Variants in KLF12 observed in about 807,000 individuals in gnomAD.
KLF12 encodes Krueppel-like factor 12.
Under a neutral mutation model 37.8 loss-of-function variants are expected in KLF12, and 9 were observed. The ratio of observed to expected loss-of-function variants is 0.24; its 90% CI spans 0.14 to 0.42. The LOEUF is 0.42. Ranked by LOEUF, KLF12 falls within the 10% of genes least tolerant of loss-of-function variation. The pLI is 1.00. For synonymous variants in KLF12, 208 were observed against 202.1 expected (o/e 1.03, Z -0.25); for missense variants, 411 against 516.0 (o/e 0.80, Z 1.97).
Position 73,687,817 on chromosome 13 carries a change from A to C in KLF12, c.*7673T>G, listed in dbSNP as rs1873583763. On this transcript the variant is annotated 3_prime_UTR_variant, in exon 8 of 8. Transcript: ENST00000377669. ...ATTCATTGGTTCTCGCCTTGCACAA[A>C]GGGTGGACTCTGTCTCAAACACTTC... The C allele has an allele frequency of 6.6e-6, 1 of 152,220 alleles. No homozygotes were observed. 9.4% of individuals were successfully genotyped at this position (152,220 alleles called of 1,614,324 possible).
chr13:73,802,141 T>C (rs1342046435), intron 5 of KLF12: 2 of 152,134 alleles, frequency 1.3e-5, no homozygotes, highest in Admixed American at 6.6e-5. Context: ...GAGTATAAAA[T>C]GTCAACCATA....
chr13:74,233,813 A>C, the KLF12 span, among the ~76,000 whole-genome samples: 2 of 152,258 alleles, frequency 1.3e-5, no homozygotes, highest in Non-Finnish European at 2.9e-5. Flanking sequence ...ATTCCAATAA[A>C]TAACATGGTA....
At chr13:74,056,633 A>T (rs1418424158) in intron 1 of KLF12, among the ~76,000 whole-genome samples, 2 of 152,216 alleles carry the variant, frequency 1.3e-5, no homozygotes, top group African/African-American at 4.8e-5. Flanking sequence ...ATCTGTGAAA[A>T]TAAAAATTGT....
chr13:74,182,094 G>T, the KLF12 span, among the ~76,000 whole-genome samples: 6 of 152,178 alleles, frequency 3.9e-5, no homozygotes, highest in African/African-American at 1.4e-4. Flanking sequence ...GTGTGGGAGG[G>T]TATAAATGAA....
At chr13:74,242,595 A>G in the KLF12 span, among the ~76,000 whole-genome samples, 1 of 152,218 alleles carries the variant, frequency 6.6e-6, no homozygotes, top group Non-Finnish European at 1.5e-5. Flanking sequence ...TAGCCAAATG[A>G]TATCAACACA....
chr13:74,118,222 G>A (rs908333855), intron 1 of KLF12, among the ~76,000 whole-genome samples: 9 of 152,128 alleles, frequency 5.9e-5, no homozygotes, highest in Admixed American at 2.0e-4. Flanking sequence ...AAAATGTTGA[G>A]AATTGTTAAG....
At chr13:73,873,618 T>C (rs868326933) in intron 3 of KLF12, among the ~76,000 whole-genome samples, 1 of 152,178 alleles carries the variant, frequency 6.6e-6, no homozygotes, top group African/African-American at 2.4e-5. Context: ...GTGGATTTTT[T>C]CTGAAAACTA....
chr13:74,219,389 A>G, the KLF12 span, among the ~76,000 whole-genome samples: 3 of 152,216 alleles, frequency 2.0e-5, no homozygotes, highest in Admixed American at 2.0e-4. Flanking sequence ...GACCTGTATA[A>G]TCCTCTTAAT....
intron 5 of KLF12, among the ~76,000 whole-genome samples, chr13:73,774,301 C>CT (rs113672381): frequency 8.2e-5 from 11 of 134,604 alleles, no homozygotes; most frequent in Admixed American, 2.2e-4. Flanking sequence ...CACACACACA[C>CT]ATCTATATAT....
chr13:74,181,319 T>A, the KLF12 span, among the ~76,000 whole-genome samples: 4 of 145,944 alleles, frequency 2.7e-5, no homozygotes, highest in Non-Finnish European at 6.0e-5. Context: ...TAAAAATACA[T>A]TTAGCATAAA....
In KLF12 at chr13:73,729,846, ATCC is replaced by A. The variant is rs1202337985; in HGVS notation, c.870-14324_870-14322del. 2.6e-5 allele frequency among the ~76,000 whole-genome samples: 4 copies of A among 152,310 alleles called. No individual in the cohort carries two copies. The East Asian group carries it at 7.7e-4, about 29-fold the overall frequency. On this transcript the variant is annotated intron_variant, in intron 6 of 7. Transcript: ENST00000377669. ...GGGAAGCAAGTGAACACGCAAAGGC[ATCC>A]TTAGCAACTTGATAATCTAGTAAAG...
intron 1 of KLF12, among the ~76,000 whole-genome samples, chr13:74,120,417 T>C (rs1877561030): frequency 6.6e-6 from 1 of 152,120 alleles, no homozygotes; most frequent in African/African-American, 2.4e-5. Flanking sequence ...GAGACAGAGG[T>C]TGCAGTGAGC....
chr13:74,234,983 C>T, the KLF12 span, among the ~76,000 whole-genome samples: 3 of 152,302 alleles, frequency 2.0e-5, no homozygotes, highest in South Asian at 6.2e-4. Flanking sequence ...TATCTATCCT[C>T]TATGTGTATA....
In KLF12 at chr13:74,039,892, T is replaced by C. The variant is rs143255689; in HGVS notation, c.-31-44839A>G. On this transcript the variant is annotated intron_variant, in intron 1 of 7. Transcript: ENST00000377669. The stretch of plus-strand genomic sequence containing the variant: ...TGCCTCAATTTTCACACATGAGCTA[T>C]TGCTCAAAATTCAGTATAAAATAGT... Among the ~76,000 whole-genome samples the C allele has an allele frequency of 1.6e-3, 241 of 152,360 alleles. 1 individual carries two copies. Among genetic ancestry groups the C allele is most frequent in the African/African-American group, 4.8e-3 (199 of 41,582 alleles).
At chr13:73,813,026 A>G (rs1029598817) in intron 5 of KLF12, 126 bp downstream of exon 5, 94 of 937,704 alleles carry the variant, frequency 1.0e-4, no homozygotes, top group Non-Finnish European at 1.5e-4. Flanking sequence ...CTGAATGAAA[A>G]GCTGCTGACA....
the KLF12 span, among the ~76,000 whole-genome samples, chr13:74,156,809 C>G: frequency 6.6e-6 from 1 of 152,154 alleles, no homozygotes; most frequent in Admixed American, 6.5e-5. Context: ...GTATCTCACT[C>G]TTTTTTCAAT....
chr13:74,183,943 AT>A, the KLF12 span, among the ~76,000 whole-genome samples: 3 of 152,192 alleles, frequency 2.0e-5, no homozygotes, highest in South Asian at 2.1e-4. Context: ...GTCTCAAAAA[AT>A]ATATACATTT....
At chr13:74,241,487 G>T in the KLF12 span, among the ~76,000 whole-genome samples, 145 of 152,256 alleles carry the variant, frequency 9.5e-4, no homozygotes, top group East Asian at 6.4e-3. Context: ...TCGAGCTTCT[G>T]GGCTGCTTTG....
the KLF12 span, among the ~76,000 whole-genome samples, chr13:74,284,965 C>A: frequency 1.3e-5 from 2 of 152,256 alleles, no homozygotes; most frequent in South Asian, 4.1e-4. Context: ...GCTCCTTTAA[C>A]TGTGAGCTAA....
Sources: allele counts gnomAD v4.1 joint callset (sites outside exome capture counted in the v4.1 genomes callset), GRCh38; gene constraint gnomAD v4.1.1; transcripts MANE v1.5; gene names NCBI Gene and HGNC (gene_info 2026-07-23, HGNC 2026-07-21).